Variants in WDR91 observed in about 807,000 individuals in gnomAD.
WDR91 encodes the protein WD repeat domain 91.
In WDR91, 52 loss-of-function variants were observed where a neutral mutation model predicts 88.4. That is an observed-to-expected ratio of 0.59 (90% CI 0.47 to 0.74). The LOEUF is 0.74. Among genes scored for constraint, WDR91 ranks in the 30% least tolerant of loss-of-function variants. The probability of loss-of-function intolerance (pLI) is 0.00; values close to 1 mark genes in which losing one functional copy is unlikely to be tolerated. For synonymous variants in WDR91, 362 were observed against 389.5 expected, an observed-to-expected ratio of 0.93 and a Z score of 0.83; for missense variants, 824 against 954.5, an observed-to-expected ratio of 0.86 and a Z score of 1.80.
At chr7:135,207,015 A>C (rs748872915) in intron 4 of WDR91, 105 bp downstream of exon 4, 11 of 735,154 alleles carry the variant, frequency 1.5e-5, no homozygotes, top group Admixed American at 2.6e-5. Flanking sequence ...GAAATTAGGT[A>C]GTGGCAGTGG....
chr7:135,207,616 C>T (rs1174278218), intron 3 of WDR91, among the ~76,000 whole-genome samples: 1 of 152,242 alleles, frequency 6.6e-6, no homozygotes, highest in Non-Finnish European at 1.5e-5. Flanking sequence ...GCCAATGAGG[C>T]AGAAAAGACC....
At chr7:135,186,428 C>A (rs1562942702) in intron 14 of WDR91, 113 bp from the exon 15 acceptor site, 1 of 1,142,884 alleles carries the variant, frequency 8.7e-7, no homozygotes, top group Non-Finnish European at 1.2e-6. Context: ...CACATGCCCA[C>A]CTTTCCAGAA....
chr7:135,195,163 T>G, intron 8 of WDR91, 79 bp from the exon 9 acceptor site: 2 of 1,457,262 alleles, frequency 1.4e-6, no homozygotes, highest in Non-Finnish European at 9.3e-7. Flanking sequence ...GATGATCACT[T>G]TCCTGACTTC....
chr7:135,186,361 T>TAC, intron 14 of WDR91, 46 bp from the exon 15 acceptor site: 1 of 1,590,028 alleles, frequency 6.3e-7, no homozygotes. Flanking sequence ...AAACACCAGT[T>TAC]ACACACACTT....
At chr7:135,204,891 C>T (rs1831706196) in intron 5 of WDR91, among the ~76,000 whole-genome samples, 1 of 151,424 alleles carries the variant, frequency 6.6e-6, no homozygotes. Flanking sequence ...TTAAAATTAA[C>T]TTCATCTTGT....
intron 7 of WDR91, chr7:135,197,548 T>C (rs541757519): frequency 2.7e-4 from 43 of 158,430 alleles, no homozygotes; most frequent in Admixed American, 1.8e-3. Flanking sequence ...TGGCCCTCAG[T>C]GCAGCAATAC....
intron 13 of WDR91, among the ~76,000 whole-genome samples, chr7:135,187,376 G>A (rs1490523677): frequency 6.6e-6 from 1 of 152,248 alleles, no homozygotes; most frequent in East Asian, 1.9e-4. Context: ...TGGTCAACAT[G>A]ATTTAAGCAT....
At chr7:135,205,873 T>C (rs1357546869) in intron 5 of WDR91, 55 bp downstream of exon 5, 5 of 1,609,152 alleles carry the variant, frequency 3.1e-6, no homozygotes, top group Admixed American at 1.7e-5. Flanking sequence ...GAGGGAACTG[T>C]GGGGCTGAGA....
Position 135,183,928 on chromosome 7 carries a change from TTG to T in WDR91, c.*2221_*2222del, listed in dbSNP as rs1195994666. ...GAGAAGCGTAGGGTTCAAATTTTCTTTGTGTCTCTGTGATCCTTAAAGCATCT... is the reference window on the plus strand; with the variant it reads ...GAGAAGCGTAGGGTTCAAATTTTCTTTGTCTCTGTGATCCTTAAAGCATCT... On this transcript the variant is annotated 3_prime_UTR_variant, in exon 15 of 15. Coordinates refer to ENST00000354475, the MANE Select transcript of WDR91 (RefSeq NM_014149.4). 6.6e-6 allele frequency: 1 copy of T among 152,104 alleles called. No homozygotes were observed. The highest frequency in any genetic ancestry group is 2.4e-5 in the African/African-American group (1 of 41,400). 9.4% of individuals were successfully genotyped at this position (152,104 alleles called of 1,614,324 possible). A position where few individuals can be genotyped will look rare whatever the true frequency, so the allele number is the denominator to read the frequency against.
Position 135,211,438 on chromosome 7 carries a change from G to C in WDR91, c.65C>G (p.Thr22Arg), listed in dbSNP as rs142902910. Residue 22 changes from threonine (T) to arginine (R), a missense_variant, in exon 1 of 15, where the codon ACG (threonine) becomes AGG (arginine). Physicochemically the swap from Thr to Arg is moderately conservative, Grantham distance 71. Transcript: ENST00000354475. ...GGCGTCCAGCTGCCGCAGTGTGTGC[G>C]TGAACCCGCGGAAGAGCAGGTACTC... ...VREYLLFRGF[T>R]HTLRQLDAEI... The C allele has an allele frequency of 8.7e-6, 14 of 1,612,366 alleles. No individual in the cohort carries two copies. Among genetic ancestry groups the C allele is most frequent in the Non-Finnish European group, 1.2e-5 (14 of 1,179,354 alleles).
chr7:135,194,896 A>G, intron 9 of WDR91, 38 bp downstream of exon 9: 3 of 1,610,060 alleles, frequency 1.9e-6, no homozygotes, highest in Non-Finnish European at 2.5e-6. Context: ...TCCTCCACTG[A>G]GCCAGCAAAG....
rs1831914280 is a variant in WDR91 at position 135,209,009 on chromosome 7, A to G, written c.304-11T>C. The G allele has an allele frequency of 1.2e-6, 2 of 1,612,144 alleles. No individual in the cohort carries two copies. Among genetic ancestry groups the G allele is most frequent in the Non-Finnish European group, 8.5e-7 (1 of 1,178,690 alleles). ...GTCATTTCTGTTTGTCTGCCAAGACACAAGGAGGTAGCAAGGAGGGAGGAG... is the reference window on the plus strand; with the variant it reads ...GTCATTTCTGTTTGTCTGCCAAGACGCAAGGAGGTAGCAAGGAGGGAGGAG... On this transcript the variant is annotated splice_polypyrimidine_tract_variant and intron_variant, in intron 2 of 14. Coordinates refer to ENST00000354475, the MANE Select transcript of WDR91 (RefSeq NM_014149.4).
chr7:135,189,334 A>G lies in WDR91; in HGVS notation c.1768+10T>C, dbSNP rs769041265. 24 of 1,611,106 alleles carry G rather than the reference A, an allele frequency of 1.5e-5. No homozygotes were observed. Among genetic ancestry groups the G allele is most frequent in the South Asian group, 2.2e-5 (2 of 90,926 alleles). On this transcript the variant is annotated intron_variant, in intron 12 of 14. Transcript: ENST00000354475. ...GGAGATCAAGGATTGCTATGAGCAC[A>G]CTTGCATACCAAACAGCCGGATGAC... is the stretch of plus-strand genomic sequence containing the variant.
At position 135,204,420 on chromosome 7, in the gene WDR91, T is replaced by C. The variant is rs746035834; in HGVS notation, c.739A>G (p.Ser247Gly). 1 of 1,614,136 alleles carries C rather than the reference T, an allele frequency of 6.2e-7. No homozygotes were observed. Among genetic ancestry groups the C allele is most frequent in the Non-Finnish European group, 8.5e-7 (1 of 1,180,006 alleles). ...TGGGAGAGGGAGGCATTCCTTTGGC[T>C]GCACACCATGGCACTGGTCAGCAAA... ...LGDSELAMVC[S>G]QRNASLSQSP... Residue 247 changes from serine (S) to glycine (G), a missense_variant, in exon 6 of 15, where the codon AGC (serine) becomes GGC (glycine). Coordinates refer to ENST00000354475, the MANE Select transcript of WDR91 (RefSeq NM_014149.4).
At chr7:135,189,249 C>T (rs1267715516) in intron 12 of WDR91, 95 bp downstream of exon 12, 2 of 1,074,334 alleles carry the variant, frequency 1.9e-6, no homozygotes, top group Admixed American at 4.1e-5. Context: ...TTGCAAAAGC[C>T]TCTAGCCCAG....
intron 11 of WDR91, among the ~76,000 whole-genome samples, chr7:135,192,190 T>C (rs563867832): frequency 2.8e-5 from 4 of 144,326 alleles, no homozygotes; most frequent in African/African-American, 1.0e-4. Context: ...CCACATCAGC[T>C]CACTGCAGCC....
At chr7:135,192,111 T>C (rs987774923) in intron 11 of WDR91, among the ~76,000 whole-genome samples, 1 of 10,556 alleles carries the variant, frequency 9.5e-5, no homozygotes, top group African/African-American at 1.2e-4. Flanking sequence ...CTGTTGTGTT[T>C]TTTTTTTTTT....
rs752551859 is a variant in WDR91 at position 135,207,175 on chromosome 7, G to A, written c.539C>T (p.Ala180Val). The A allele has an allele frequency of 4.2e-5, 68 of 1,606,288 alleles. No homozygotes were observed. Among genetic ancestry groups the A allele is most frequent in the Non-Finnish European group, 5.0e-5 (59 of 1,174,768 alleles). Residue 180 changes from alanine (A) to valine (V), a missense_variant, in exon 4 of 15, where the codon GCG becomes GTG. Coordinates refer to ENST00000354475, the MANE Select transcript of WDR91 (RefSeq NM_014149.4). The part of the protein sequence containing the change: ...MPVPVILNFD[A>V]ECQRTNQVQE... ...AACCTGGTTAGTCCTCTGACACTCCGCATCAAAGTTCAGGATCACAGGGAC... is the reference window on the plus strand; with the variant it reads ...AACCTGGTTAGTCCTCTGACACTCCACATCAAAGTTCAGGATCACAGGGAC...
rs531386548 is a variant in WDR91, at chr7:135,187,407, GAAA to G, written c.1882-241_1882-239del. Reference sequence around the variant, plus strand: ...AGCATTTTTTAGGGAAGAAAATCTAGAAAAAGAGGCAGCAACCTCACATTAAAG... The same window carrying G: ...AGCATTTTTTAGGGAAGAAAATCTAGAAGAGGCAGCAACCTCACATTAAAG... On this transcript the variant is annotated intron_variant, in intron 13 of 14. Transcript: ENST00000354475. Among the ~76,000 whole-genome samples, 4 of 152,328 alleles carry G rather than the reference GAAA, an allele frequency of 2.6e-5. No individual in the cohort carries two copies. In the East Asian group the frequency reaches 7.7e-4, roughly 29 times the overall value.
Sources: allele counts gnomAD v4.1 joint callset (sites outside exome capture counted in the v4.1 genomes callset), GRCh38; gene constraint gnomAD v4.1.1; transcripts MANE v1.5; gene names NCBI Gene and HGNC (gene_info 2026-07-23, HGNC 2026-07-21).